The following ATRN variants were observed in gnomAD, a reference collection of about 807,000 sequenced individuals.
ATRN encodes attractin-2.
A neutral mutation model predicts 178.7 loss-of-function variants in ATRN; 54 were observed. That is an observed-to-expected ratio of 0.30 (90% confidence interval 0.24 to 0.38). ATRN has a LOEUF of 0.38. ATRN is among the 10% of genes least tolerant of loss of function. ATRN has a pLI of 1.00. For missense variants in ATRN, 1,443 were observed against 1,815.1 expected, an observed-to-expected ratio of 0.79 and a Z score of 3.73; for synonymous variants, 636 against 663.0, an observed-to-expected ratio of 0.96 and a Z score of 0.63.
chr20:3,566,926 GA>G (rs1160598696), intron 11 of ATRN, among the ~76,000 whole-genome samples: 2 of 105,446 alleles, frequency 1.9e-5, no homozygotes, highest in Non-Finnish European at 4.1e-5. Flanking sequence ...AAAAAAAAAG[GA>G]AAAGTGAGAA....
intron 3 of ATRN, among the ~76,000 whole-genome samples, chr20:3,542,144 A>G (rs909733355): frequency 5.9e-5 from 9 of 152,236 alleles, no homozygotes; most frequent in Non-Finnish European, 1.5e-5. Flanking sequence ...GTTGGAGTGT[A>G]TATGTTTATG....
chr20:3,555,103 G>C (rs796863693), intron 6 of ATRN, among the ~76,000 whole-genome samples: 1 of 140,882 alleles, frequency 7.1e-6, no homozygotes, highest in Admixed American at 7.8e-5. Flanking sequence ...TGGGGTTCAC[G>C]CCATTCTCCT....
chr20:3,537,487 CTTGTTTTTT>C (rs1568714761), intron 2 of ATRN, among the ~76,000 whole-genome samples: 1 of 141,202 alleles, frequency 7.1e-6, no homozygotes, highest in African/African-American at 2.6e-5. Flanking sequence ...ATATTTTTTT[CTTGTTTTTT>C]TTTTTACATT....
chr20:3,601,582 G>T (rs2086608166), intron 23 of ATRN, among the ~76,000 whole-genome samples: 1 of 151,812 alleles, frequency 6.6e-6, no homozygotes, highest in Non-Finnish European at 1.5e-5. Context: ...AAGGATGAAG[G>T]CCAAGTGCTG....
At chr20:3,512,107 A>ATATTTTTTTTTTT in intron 1 of ATRN, among the ~76,000 whole-genome samples, 1 of 106,388 alleles carries the variant, frequency 9.4e-6, no homozygotes, top group African/African-American at 4.4e-5. Context: ...ATATATATAT[A>ATATTTTTTTTTTT]TTTTTTTTTT....
intron 1 of ATRN, among the ~76,000 whole-genome samples, chr20:3,487,701 A>G (rs1315500910): frequency 6.6e-6 from 1 of 152,134 alleles, no homozygotes; most frequent in Admixed American, 6.5e-5. Flanking sequence ...CTTTGGGGGT[A>G]TTCTGACCTG....
At chr20:3,497,974 A>G (rs1248704315) in intron 1 of ATRN, among the ~76,000 whole-genome samples, 1 of 152,198 alleles carries the variant, frequency 6.6e-6, no homozygotes, top group Non-Finnish European at 1.5e-5. Flanking sequence ...AATCAAATAG[A>G]CGCAATAAAA....
intron 24 of ATRN, among the ~76,000 whole-genome samples, chr20:3,620,632 T>C (rs143656464): frequency 5.9e-5 from 9 of 152,308 alleles, no homozygotes; most frequent in Middle Eastern, 3.4e-3. Context: ...CTTAAAGATA[T>C]AGAGACAGGG....
chr20:3,541,714 ATGTC>A (rs1170204396), intron 3 of ATRN, among the ~76,000 whole-genome samples: 1 of 152,218 alleles, frequency 6.6e-6, no homozygotes, highest in Non-Finnish European at 1.5e-5. Context: ...TGTTGACCAT[ATGTC>A]ATTATGTGGT....
intron 1 of ATRN, among the ~76,000 whole-genome samples, chr20:3,523,849 T>C (rs1444036646): frequency 2.6e-5 from 4 of 152,126 alleles, no homozygotes; most frequent in African/African-American, 9.7e-5. Context: ...ATAAAATTAT[T>C]TACAGACAAG....
chr20:3,514,869 A>T (rs1169560091), intron 1 of ATRN, among the ~76,000 whole-genome samples: 2 of 152,132 alleles, frequency 1.3e-5, no homozygotes, highest in Non-Finnish European at 2.9e-5. Flanking sequence ...AAGTGGGAGG[A>T]TCGCTTGAGC....
chr20:3,627,805 C>T (rs1441827524), intron 25 of ATRN, among the ~76,000 whole-genome samples: 2 of 152,198 alleles, frequency 1.3e-5, no homozygotes, highest in Non-Finnish European at 2.9e-5. Context: ...AGTTCTGTAT[C>T]CATTTTTAAA....
intron 1 of ATRN, among the ~76,000 whole-genome samples, chr20:3,486,067 G>A (rs2084689843): frequency 6.6e-6 from 1 of 152,138 alleles, no homozygotes; most frequent in African/African-American, 2.4e-5. Context: ...CAATTTGAAT[G>A]TTTTTTTCCA....
intron 14 of ATRN, among the ~76,000 whole-genome samples, chr20:3,577,593 T>C (rs1857805399): frequency 6.6e-6 from 1 of 152,212 alleles, no homozygotes; most frequent in Non-Finnish European, 1.5e-5. Flanking sequence ...GTGCACAACA[T>C]CTGAGCTTGT....
chr20:3,529,560 A>G (rs2085422012), intron 1 of ATRN, among the ~76,000 whole-genome samples: 1 of 152,240 alleles, frequency 6.6e-6, no homozygotes, highest in Non-Finnish European at 1.5e-5. Flanking sequence ...GCAAGACACA[A>G]AAGTGTCTTT....
At chr20:3,533,462 G>A (rs1034470891) in intron 1 of ATRN, among the ~76,000 whole-genome samples, 9 of 152,118 alleles carry the variant, frequency 5.9e-5, no homozygotes, top group Non-Finnish European at 1.2e-4. Flanking sequence ...CTGGCTAATC[G>A]AATGTAAGTT....
chr20:3,576,721 C>CTATCTATA, intron 13 of ATRN, 138 bp from the exon 14 acceptor site: 1 of 678,388 alleles, frequency 1.5e-6, no homozygotes, highest in Non-Finnish European at 2.5e-6. Context: ...ATCTATCTAT[C>CTATCTATA]TATCTATCTA....
Position 3,577,012 on chromosome 20 carries a change from G to A in ATRN, c.2353+15G>A, listed in dbSNP as rs372229346. On this transcript the variant is annotated intron_variant, in intron 14 of 28. Coordinates refer to ENST00000262919, the MANE Select transcript of ATRN (RefSeq NM_139321.3). ...TGCCCTGCCCGGTAGGCCTTGCAGG[G>A]TCATCTTGGTGTGTGTGGGTCCATT... is the stretch of plus-strand genomic sequence containing the variant. 3.1e-6 allele frequency: 5 copies of A among 1,613,112 alleles called. No homozygotes were observed. The highest frequency in any genetic ancestry group is 4.2e-6 in the Non-Finnish European group (5 of 1,179,784).
intron 3 of ATRN, among the ~76,000 whole-genome samples, chr20:3,540,665 C>A (rs1021052706): frequency 2.6e-5 from 4 of 152,160 alleles, no homozygotes; most frequent in African/African-American, 7.2e-5. Flanking sequence ...TTGAATGATA[C>A]TATTTCTGTG....
Sources: allele counts gnomAD v4.1 joint callset (sites outside exome capture counted in the v4.1 genomes callset), GRCh38; gene constraint gnomAD v4.1.1; transcripts MANE v1.5; gene names NCBI Gene and HGNC (gene_info 2026-07-23, HGNC 2026-07-21).